Variants in HECW2 observed in about 807,000 individuals in gnomAD.
The protein encoded by HECW2 is E3 ubiquitin-protein ligase HECW2.
HECW2 carries 61 observed loss-of-function variants against 175.2 expected under a neutral mutation model. The observed-to-expected ratio is 0.35, with a 90% CI of 0.28 to 0.43. The LOEUF is 0.43. HECW2 is among the 20% of genes least tolerant of loss of function. The pLI, the probability that HECW2 is intolerant of heterozygous loss-of-function variation, is 1.00. For missense variants in HECW2, 1,524 were observed against 2,000.5 expected, an observed-to-expected ratio of 0.76 and a Z score of 4.54; for synonymous variants, 671 against 731.0, an observed-to-expected ratio of 0.92 and a Z score of 1.32.
intron 19 of HECW2, among the ~76,000 whole-genome samples, chr2:196,250,541 G>T (rs1331013807): frequency 6.6e-6 from 1 of 152,160 alleles, no homozygotes; most frequent in African/African-American, 2.4e-5. Flanking sequence ...GAGGTACCCT[G>T]CCTAAAGTCA....
intron 2 of HECW2, among the ~76,000 whole-genome samples, chr2:196,352,441 A>G (rs914019106): frequency 2.2e-4 from 34 of 152,176 alleles, no homozygotes; most frequent in Admixed American, 2.2e-3. Context: ...GCAGGACACT[A>G]TCTCTGACAT....
rs1418663339 is a variant in HECW2, at chr2:196,398,966, G to A, written c.292+34166C>T. 2.0e-5 allele frequency among the ~76,000 whole-genome samples: 3 copies of A among 152,088 alleles called. No individual in the cohort carries two copies. The East Asian group carries it at 5.8e-4, about 29-fold the overall frequency. On this transcript the variant is annotated intron_variant, in intron 2 of 28. Transcript: ENST00000644978. ...CTGCACTCCAGCCTGGGCAAGAGAGGGAGACCCTGTCTCTTTAAAAACAAA... is the reference window on the plus strand; with the variant it reads ...CTGCACTCCAGCCTGGGCAAGAGAGAGAGACCCTGTCTCTTTAAAAACAAA...
At chr2:196,248,310 A>G (rs948516989) in intron 19 of HECW2, among the ~76,000 whole-genome samples, 20 of 152,176 alleles carry the variant, frequency 1.3e-4, no homozygotes, top group African/African-American at 4.8e-4. Flanking sequence ...TGATAGCTCT[A>G]TGGGTGAGGA....
At chr2:196,265,124 T>A (rs1689459040) in intron 17 of HECW2, among the ~76,000 whole-genome samples, 1 of 152,060 alleles carries the variant, frequency 6.6e-6, no homozygotes, top group Non-Finnish European at 1.5e-5. Flanking sequence ...TATTTTAGAG[T>A]AACGCTCCCT....
At chr2:196,545,885 A>G (rs993090226) in intron 1 of HECW2, among the ~76,000 whole-genome samples, 1 of 152,218 alleles carries the variant, frequency 6.6e-6, no homozygotes, top group African/African-American at 2.4e-5. Context: ...TCCAAATTAA[A>G]TGCAATGAAT....
intron 21 of HECW2, among the ~76,000 whole-genome samples, chr2:196,231,420 T>TA (rs2105850254): frequency 6.6e-6 from 1 of 152,260 alleles, no homozygotes; most frequent in South Asian, 2.1e-4. Flanking sequence ...TCATCAAGAC[T>TA]AAAAAAATAC....
intron 1 of HECW2, among the ~76,000 whole-genome samples, chr2:196,459,508 G>A (rs1305889741): frequency 6.6e-6 from 1 of 151,928 alleles, no homozygotes; most frequent in Non-Finnish European, 1.5e-5. Context: ...GGGGACCCCA[G>A]AAATCCTTGA....
At chr2:196,254,144 ATCCGCCCCCTTTCTC>A (rs1688961361) in intron 18 of HECW2, 115 bp from the exon 19 acceptor site, 1 of 1,420,810 alleles carries the variant, frequency 7.0e-7, no homozygotes, top group Non-Finnish European at 9.4e-7. Flanking sequence ...CAAAGAGAGC[ATCCGCCCCCTTTCTC>A]TTGCAGGTAA....
At chr2:196,413,238 C>T (rs1361073992) in intron 2 of HECW2, among the ~76,000 whole-genome samples, 8 of 152,148 alleles carry the variant, frequency 5.3e-5, no homozygotes, top group Non-Finnish European at 1.2e-4. Context: ...GCCTGCAGTC[C>T]CAGCCACTCA....
chr2:196,228,073 AAGAAAAGT>A (rs756576409), intron 22 of HECW2, 21 bp downstream of exon 22: 5 of 1,498,154 alleles, frequency 3.3e-6, no homozygotes, highest in Non-Finnish European at 4.5e-6. Flanking sequence ...AAATCGCCTG[AAGAAAAGT>A]GTTGGGGAAA....
intron 1 of HECW2, among the ~76,000 whole-genome samples, chr2:196,471,331 T>A (rs1048428321): frequency 2.0e-5 from 3 of 152,156 alleles, no homozygotes; most frequent in African/African-American, 7.2e-5. Context: ...GCTGGCAAGG[T>A]TGCAGAGAAA....
intron 28 of HECW2, among the ~76,000 whole-genome samples, chr2:196,206,057 C>G (rs1339228775): frequency 6.6e-6 from 1 of 152,158 alleles, no homozygotes; most frequent in Non-Finnish European, 1.5e-5. Context: ...ACCCCCACTC[C>G]CACCCCATTC....
chr2:196,310,128 C>T (rs1482536961), intron 10 of HECW2, among the ~76,000 whole-genome samples: 1 of 152,012 alleles, frequency 6.6e-6, no homozygotes, highest in East Asian at 1.9e-4. Flanking sequence ...CACAAAGCCA[C>T]AAAAAAGAAT....
intron 1 of HECW2, among the ~76,000 whole-genome samples, chr2:196,465,428 T>C (rs774092235): frequency 1.3e-5 from 2 of 152,114 alleles, no homozygotes; most frequent in African/African-American, 4.8e-5. Flanking sequence ...ATTAAAATAA[T>C]GCTGGATTCA....
chr2:196,327,649 G>A (rs1056058751), intron 5 of HECW2, among the ~76,000 whole-genome samples: 4 of 152,196 alleles, frequency 2.6e-5, no homozygotes, highest in Admixed American at 6.5e-5. Context: ...ATCATCTGCT[G>A]TTAGTATGCT....
chr2:196,441,432 AT>A (rs1305543022), intron 1 of HECW2, among the ~76,000 whole-genome samples: 1 of 152,020 alleles, frequency 6.6e-6, no homozygotes, highest in Non-Finnish European at 1.5e-5. Flanking sequence ...ACTCCAAGTG[AT>A]TTTTTATTTT....
At chr2:196,216,121 A>G (rs999186194) in intron 27 of HECW2, 144 bp from the exon 28 acceptor site, 1 of 613,974 alleles carries the variant, frequency 1.6e-6, no homozygotes, top group African/African-American at 1.8e-5. Flanking sequence ...TGGAATAATC[A>G]CAACACAATT....
intron 14 of HECW2, among the ~76,000 whole-genome samples, chr2:196,285,853 C>A (rs1277762467): frequency 1.3e-5 from 2 of 152,166 alleles, no homozygotes; most frequent in Non-Finnish European, 2.9e-5. Context: ...AAAAGTATTA[C>A]GTTTAACTGC....
At chr2:196,248,413 C>T (rs1688725177) in intron 19 of HECW2, among the ~76,000 whole-genome samples, 2 of 152,032 alleles carry the variant, frequency 1.3e-5, no homozygotes, top group Admixed American at 1.3e-4. Context: ...TCACAACTTC[C>T]CCATCCCTAC....
Sources: allele counts gnomAD v4.1 joint callset (sites outside exome capture counted in the v4.1 genomes callset), GRCh38; gene constraint gnomAD v4.1.1; transcripts MANE v1.5; gene names NCBI Gene and HGNC (gene_info 2026-07-23, HGNC 2026-07-21).